DCAF8: variants seen among roughly 807,000 people sequenced by gnomAD.
The protein encoded by DCAF8 is DDB1- and CUL4-associated factor 8.
A neutral mutation model predicts 68.0 loss-of-function variants in DCAF8; 20 were observed. The ratio of observed to expected loss-of-function variants is 0.29; its 90% confidence interval spans 0.21 to 0.43. DCAF8 has a LOEUF of 0.43. DCAF8 is among the 20% of genes least tolerant of loss of function. The pLI is 1.00. For missense variants in DCAF8, 460 were observed against 771.0 expected (o/e 0.60, Z 4.78); for synonymous variants, 230 against 276.9 (o/e 0.83, Z 1.68).
intron 7 of DCAF8, among the ~76,000 whole-genome samples, chr1:160,225,978 G>A (rs1360676167): frequency 6.6e-6 from 1 of 152,082 alleles, no homozygotes; most frequent in African/African-American, 2.4e-5. Context: ...TAAATAGCTG[G>A]GACTATGGGC....
intron 2 of DCAF8, among the ~76,000 whole-genome samples, chr1:160,255,854 A>C (rs1338243547): frequency 6.6e-6 from 1 of 151,774 alleles, no homozygotes; most frequent in African/African-American, 2.4e-5. Context: ...TCCTGACCTC[A>C]GGTGATCCGC....
chr1:160,220,893 A>G (rs1270981061), intron 11 of DCAF8: 1 of 152,222 alleles, frequency 6.6e-6, no homozygotes. Flanking sequence ...CTGCTGGAAA[A>G]TTAGGACCAA....
intron 10 of DCAF8, 126 bp from the exon 11 acceptor site, chr1:160,222,907 G>C (rs1157317406): frequency 7.4e-7 from 1 of 1,346,362 alleles, no homozygotes; most frequent in Admixed American, 2.1e-5. Flanking sequence ...TTAACAGATA[G>C]TTATAGGAAT....
intron 2 of DCAF8, among the ~76,000 whole-genome samples, chr1:160,248,611 T>C (rs1459769420): frequency 6.6e-6 from 1 of 151,088 alleles, no homozygotes; most frequent in African/African-American, 2.4e-5. Flanking sequence ...GGTGCGTGCC[T>C]GTAATCCCAG....
chr1:160,242,501 T>G (rs1374625739), intron 3 of DCAF8, among the ~76,000 whole-genome samples: 1 of 152,114 alleles, frequency 6.6e-6, no homozygotes, highest in Non-Finnish European at 1.5e-5. Context: ...AAACATCTAG[T>G]GTTTATTGTT....
At chr1:160,250,400 AG>A (rs1395945185) in intron 2 of DCAF8, among the ~76,000 whole-genome samples, 1 of 130,560 alleles carries the variant, frequency 7.7e-6, no homozygotes, top group Non-Finnish European at 1.6e-5. Context: ...TGGAAGGCGG[AG>A]GTTGCGGTGA....
In DCAF8 at chr1:160,240,070, C is replaced by T. The variant is rs146600574; in HGVS notation, c.350G>A (p.Arg117His). 9.4e-5 allele frequency: 151 copies of T among 1,614,238 alleles called. No individual in the cohort carries two copies. The South Asian group carries it at 1.1e-3, about 12-fold the overall frequency. Residue 117 changes from arginine (R) to histidine (H), a missense_variant, in exon 4 of 14, where the codon CGT (arginine) becomes CAT (histidine). Arg to His is a conservative substitution (Grantham distance 29). Around this residue, in one of 8 missense-constraint regions of DCAF8, gnomAD observed 156 missense variants for 181.4 expected, o/e 0.86. Coordinates refer to ENST00000368074, the MANE Select transcript of DCAF8 (RefSeq NM_015726.4). ...ACGGTTAGCCCGCTTGCGCTGTACA[C>T]GGCGCCGAGGCTGCTCTTCTTCCTC... is the stretch of plus-strand genomic sequence containing the variant. ...EEEEEEQPRR[R>H]VQRKRANRDQ...
At chr1:160,238,246 C>T (rs571081679) in intron 5 of DCAF8, among the ~76,000 whole-genome samples, 1 of 152,270 alleles carries the variant, frequency 6.6e-6, no homozygotes, top group Admixed American at 6.5e-5. Context: ...TAAGCTGAAG[C>T]TCTCACACAA....
Position 160,236,432 on chromosome 1 carries a change from A to ATGTG in DCAF8, c.959+699_959+702dup, listed in dbSNP as rs200487674. On this transcript the variant is annotated intron_variant, in intron 6 of 13. Transcript: ENST00000368074. ...TGTGTGTGTATATATGTGTGTGTGT[A>ATGTG]TGTGTGTGTGTGTGTATATATATAT... Among the ~76,000 whole-genome samples the ATGTG allele has an allele frequency of 8.2e-3, 1,222 of 149,612 alleles. 18 individuals carry two copies. Among genetic ancestry groups the ATGTG allele is most frequent in the African/African-American group, 0.028 (1,137 of 40,126 alleles).
intron 7 of DCAF8, among the ~76,000 whole-genome samples, chr1:160,226,280 C>A (rs924408392): frequency 2.6e-5 from 4 of 152,072 alleles, no homozygotes; most frequent in African/African-American, 7.2e-5. Flanking sequence ...GGTCTGTAAT[C>A]CCTCCTTAAA....
intron 2 of DCAF8, among the ~76,000 whole-genome samples, chr1:160,258,822 C>T (rs774473176): frequency 6.0e-4 from 92 of 152,268 alleles, no homozygotes; most frequent in Non-Finnish European, 1.2e-3. Context: ...TACTGATTTA[C>T]TACATATAGA....
chr1:160,233,358 A>C (rs910777433), intron 6 of DCAF8, among the ~76,000 whole-genome samples: 1 of 152,170 alleles, frequency 6.6e-6, no homozygotes, highest in Non-Finnish European at 1.5e-5. Flanking sequence ...AGACCAGCCT[A>C]GGCAACATAG....
In DCAF8 at chr1:160,231,288, C is replaced by A; in HGVS notation, c.1070+9G>T. On this transcript the variant is annotated intron_variant, in intron 7 of 13. Coordinates refer to ENST00000368074, the MANE Select transcript of DCAF8 (RefSeq NM_015726.4). ...AACTGTCAAAGACACAAAAGAGCCA[C>A]AAACTCACCTTACAAACTGATCTCG... 2 of 1,605,596 alleles carry A rather than the reference C, an allele frequency of 1.2e-6. No homozygotes were observed. Among genetic ancestry groups the A allele is most frequent in the Non-Finnish European group, 1.7e-6 (2 of 1,172,418 alleles).
chr1:160,258,053 T>C (rs372324214), intron 2 of DCAF8, among the ~76,000 whole-genome samples: 8 of 152,282 alleles, frequency 5.3e-5, no homozygotes, highest in South Asian at 2.1e-4. Context: ...ATACATTTAA[T>C]TGACTGCATT....
chr1:160,253,749 C>T (rs1220695469), intron 2 of DCAF8, among the ~76,000 whole-genome samples: 1 of 150,934 alleles, frequency 6.6e-6, no homozygotes, highest in Non-Finnish European at 1.5e-5. Flanking sequence ...TCACTGGAGT[C>T]CCAGAGGTCG....
chr1:160,260,821 C>T (rs1407852884), intron 2 of DCAF8, among the ~76,000 whole-genome samples: 1 of 151,944 alleles, frequency 6.6e-6, no homozygotes, highest in Non-Finnish European at 1.5e-5. Context: ...ACTCATCACT[C>T]CCCAGCTTTT....
chr1:160,250,729 T>G (rs978066379), intron 2 of DCAF8, among the ~76,000 whole-genome samples: 2 of 152,176 alleles, frequency 1.3e-5, no homozygotes, highest in African/African-American at 4.8e-5. Context: ...GCAAGATGAA[T>G]CCTAAATACA....
intron 6 of DCAF8, among the ~76,000 whole-genome samples, chr1:160,236,513 C>T (rs1368874553): frequency 2.0e-5 from 3 of 151,914 alleles, no homozygotes; most frequent in Non-Finnish European, 1.5e-5. Context: ...AAAAAATATG[C>T]CCATAGCAAG....
chr1:160,246,532 C>G (rs1380003482), intron 2 of DCAF8, among the ~76,000 whole-genome samples: 2 of 152,180 alleles, frequency 1.3e-5, no homozygotes, highest in South Asian at 2.1e-4. Flanking sequence ...GTGTGGCATG[C>G]ACCTGTAATC....
Sources: gnomAD v4.1 joint callset for allele counts (sites outside exome capture counted in the v4.1 genomes callset) on GRCh38, gnomAD v4.1.1 for gene constraint, gnomAD v4.1.1 regional missense constraint, MANE v1.5 for transcripts, NCBI Gene and HGNC (gene_info 2026-07-23, HGNC 2026-07-21) for gene names.